MYOF: variants seen among roughly 807,000 people sequenced by gnomAD.
MYOF encodes fer-1-like 3, myoferlin.
Under a neutral mutation model 284.2 loss-of-function variants are expected in MYOF, and 244 were observed. The observed-to-expected ratio is 0.86, with a 90% CI of 0.77 to 0.95. MYOF has a LOEUF of 0.95. Ranked by LOEUF, MYOF falls within the 40% of genes least tolerant of loss-of-function variation. MYOF has a pLI of 0.00. For missense variants in MYOF, 2,496 were observed against 2,560.6 expected (o/e 0.97, Z 0.54); for synonymous variants, 904 against 919.7 (o/e 0.98, Z 0.31).
chr10:93,384,454 C>T (rs1461953189), intron 19 of MYOF, among the ~76,000 whole-genome samples: 2 of 152,076 alleles, frequency 1.3e-5, no homozygotes, highest in South Asian at 4.1e-4. Flanking sequence ...ACCAGCCTGG[C>T]CAACATGGTG....
chr10:93,347,875 G>T, intron 36 of MYOF, 93 bp from the exon 37 acceptor site: 5 of 1,285,820 alleles, frequency 3.9e-6, no homozygotes, highest in African/African-American at 1.5e-5. Flanking sequence ...GATTCTCTCT[G>T]CCACACAGCC....
Position 93,446,231 on chromosome 10 carries a change from A to G in MYOF, c.236+5819T>C, listed in dbSNP as rs140236330. On this transcript the variant is annotated intron_variant, in intron 3 of 53. Coordinates refer to ENST00000359263, the MANE Select transcript of MYOF (RefSeq NM_013451.4). ...TCCACTGCAAGACAGTAAACTATGC[A>G]GTGGAATCTGCAGGATGAGAGATAA... Among the ~76,000 whole-genome samples the G allele has an allele frequency of 1.2e-3, 184 of 152,286 alleles. 1 individual carries two copies. The highest frequency in any genetic ancestry group is 4.2e-3 in the African/African-American group (173 of 41,568).
At chr10:93,449,224 G>A (rs529841813) in intron 3 of MYOF, among the ~76,000 whole-genome samples, 20 of 152,310 alleles carry the variant, frequency 1.3e-4, no homozygotes, top group Admixed American at 8.5e-4. Context: ...CAAACACATT[G>A]ATTACATGTT....
At chr10:93,365,377 C>T (rs1210055625) in intron 26 of MYOF, among the ~76,000 whole-genome samples, 1 of 152,182 alleles carries the variant, frequency 6.6e-6, no homozygotes, top group African/African-American at 2.4e-5. Context: ...CCCCCAGACT[C>T]CAGGGGAACC....
At chr10:93,391,778 CCT>C (rs1846696426) in intron 17 of MYOF, among the ~76,000 whole-genome samples, 1 of 152,178 alleles carries the variant, frequency 6.6e-6, no homozygotes, top group South Asian at 2.1e-4. Flanking sequence ...TCAAGGATTT[CCT>C]CTGACCTAGC....
At chr10:93,429,301 A>C (rs2134208142) in intron 4 of MYOF, among the ~76,000 whole-genome samples, 1 of 152,256 alleles carries the variant, frequency 6.6e-6, no homozygotes, top group South Asian at 2.1e-4. Context: ...CCAGAAGCTG[A>C]GCAGATATCG....
chr10:93,329,077 C>A (rs911408372), intron 44 of MYOF, among the ~76,000 whole-genome samples, 166 bp from the exon 45 acceptor site: 4 of 152,112 alleles, frequency 2.6e-5, no homozygotes, highest in African/African-American at 9.7e-5. Context: ...GTCCTAAAAA[C>A]CCATATGCTA....
chr10:93,409,489 G>A, intron 6 of MYOF, 84 bp downstream of exon 6: 1 of 1,464,806 alleles, frequency 6.8e-7, no homozygotes, highest in Non-Finnish European at 9.3e-7. Context: ...CATTGGAATA[G>A]GTCCACTGAA....
intron 1 of MYOF, among the ~76,000 whole-genome samples, chr10:93,477,793 G>A (rs2057296634): frequency 6.6e-6 from 1 of 151,580 alleles, no homozygotes; most frequent in South Asian, 2.1e-4. Context: ...GTTGCAGTGA[G>A]CCGAGATCAT....
intron 48 of MYOF, among the ~76,000 whole-genome samples, chr10:93,322,258 C>A (rs1020995841): frequency 6.6e-6 from 1 of 152,180 alleles, no homozygotes; most frequent in Non-Finnish European, 1.5e-5. Context: ...TCTTATCTTT[C>A]ATGTATCAAG....
At chr10:93,444,808 T>C (rs2056381683) in intron 3 of MYOF, among the ~76,000 whole-genome samples, 1 of 152,248 alleles carries the variant, frequency 6.6e-6, no homozygotes. Context: ...TATTTCTACA[T>C]GTACAGGTTC....
chr10:93,337,994 T>A, intron 39 of MYOF, 81 bp from the exon 40 acceptor site: 1 of 1,003,486 alleles, frequency 1.0e-6, no homozygotes, highest in Non-Finnish European at 1.6e-6. Flanking sequence ...TTGTAATAGT[T>A]AAGAAGAAAT....
At chr10:93,370,314 A>ATTTTTTTTTTTTTTTTTTTTTTTTTTT (rs916555324) in intron 24 of MYOF, among the ~76,000 whole-genome samples, 3 of 122,428 alleles carry the variant, frequency 2.5e-5, no homozygotes, top group African/African-American at 7.1e-5. Context: ...ATGATTACTA[A>ATTTTTTTTTTTTTTTTTTTTTTTTTTT]TTTTTTTTTT....
chr10:93,348,809 G>A (rs1289363030), intron 36 of MYOF, among the ~76,000 whole-genome samples: 2 of 152,128 alleles, frequency 1.3e-5, no homozygotes, highest in African/African-American at 4.8e-5. Flanking sequence ...AGGTGAAAAT[G>A]TTCACCCCGC....
In MYOF at chr10:93,434,443, A is replaced by C. The variant is rs541798601; in HGVS notation, c.237-2927T>G. Among the ~76,000 whole-genome samples the C allele has an allele frequency of 3.5e-4, 53 of 151,972 alleles. No homozygotes were observed. In the South Asian group the frequency reaches 5.4e-3, roughly 15 times the overall value. On this transcript the variant is annotated intron_variant, in intron 3 of 53. Transcript: ENST00000359263. Reference sequence around the variant, plus strand: ...AAGACCCTGTCTCAAAAAAAAAAAAAAAAACAAAAAAGAATCTGTAGTTGG... The same window carrying C: ...AAGACCCTGTCTCAAAAAAAAAAAACAAAACAAAAAAGAATCTGTAGTTGG...
chr10:93,335,482 G>T (rs550051541), intron 41 of MYOF, among the ~76,000 whole-genome samples: 1 of 152,264 alleles, frequency 6.6e-6, no homozygotes, highest in African/African-American at 2.4e-5. Flanking sequence ...GGACTGTCAA[G>T]TGAGAAGTTG....
chr10:93,470,059 T>C (rs1256652592), intron 1 of MYOF, among the ~76,000 whole-genome samples: 3 of 151,688 alleles, frequency 2.0e-5, no homozygotes, highest in African/African-American at 7.3e-5. Flanking sequence ...TGAAACCCAG[T>C]CTCTGCTAAA....
chr10:93,386,197 G>A (rs887872917), intron 19 of MYOF, among the ~76,000 whole-genome samples: 1 of 152,162 alleles, frequency 6.6e-6, no homozygotes, highest in African/African-American at 2.4e-5. Flanking sequence ...GTGTCTCCAC[G>A]GAGGCCTCCA....
intron 1 of MYOF, among the ~76,000 whole-genome samples, chr10:93,465,712 A>G (rs144403578): frequency 0.047 from 7,127 of 151,484 alleles, 222 homozygotes; most frequent in Non-Finnish European, 0.07. Context: ...ATGGGGTTTT[A>G]CCATGTTGGC....
Sources: gnomAD v4.1 joint callset for allele counts (sites outside exome capture counted in the v4.1 genomes callset) on GRCh38, gnomAD v4.1.1 for gene constraint, MANE v1.5 for transcripts, NCBI Gene and HGNC (gene_info 2026-07-23, HGNC 2026-07-21) for gene names.